Variants in DKK2 observed in about 807,000 individuals in gnomAD.
DKK2 encodes the protein dickkopf-related protein 2.
Under a neutral mutation model 28.1 loss-of-function variants are expected in DKK2, and 11 were observed. The ratio of observed to expected loss-of-function variants is 0.39; its 90% CI spans 0.25 to 0.65. The LOEUF is 0.65. DKK2 is among the 30% of genes least tolerant of loss of function. The pLI, the probability that DKK2 is intolerant of heterozygous loss-of-function variation, is 0.47. For synonymous variants in DKK2, 135 were observed against 126.5 expected (o/e 1.07, Z -0.45); for missense variants, 326 against 335.5 (o/e 0.97, Z 0.22).
intron 1 of DKK2, among the ~76,000 whole-genome samples, chr4:107,005,612 T>G (rs1256072483): frequency 6.6e-6 from 1 of 152,098 alleles, no homozygotes; most frequent in Non-Finnish European, 1.5e-5. Context: ...ATGCTATGAA[T>G]GCAGTCAAGC....
intron 1 of DKK2, among the ~76,000 whole-genome samples, chr4:107,030,433 G>T (rs1723859680): frequency 6.6e-6 from 1 of 151,876 alleles, no homozygotes. Flanking sequence ...ATTATGATTA[G>T]CCTTACTTCC....
At chr4:107,026,614 G>T (rs534873992) in intron 1 of DKK2, among the ~76,000 whole-genome samples, 1 of 152,076 alleles carries the variant, frequency 6.6e-6, no homozygotes, top group African/African-American at 2.4e-5. Context: ...GCATTCTTTC[G>T]GCACCCGTGA....
intron 1 of DKK2, among the ~76,000 whole-genome samples, chr4:107,010,862 A>G (rs144919456): frequency 0.024 from 3,569 of 151,224 alleles, 49 homozygotes; most frequent in Middle Eastern, 0.037. Flanking sequence ...TTAATTCATT[A>G]AAAACCCATA....
At chr4:107,034,597 T>C (rs1448991704) in intron 1 of DKK2, among the ~76,000 whole-genome samples, 1 of 152,212 alleles carries the variant, frequency 6.6e-6, no homozygotes, top group African/African-American at 2.4e-5. Flanking sequence ...TTCAGTGTCC[T>C]GCTGTATCGC....
At chr4:106,978,577 G>T (rs1722977373) in intron 1 of DKK2, among the ~76,000 whole-genome samples, 1 of 152,064 alleles carries the variant, frequency 6.6e-6, no homozygotes, top group Non-Finnish European at 1.5e-5. Context: ...CAGTACTGGT[G>T]GATGCCCCTC....
intron 2 of DKK2, among the ~76,000 whole-genome samples, chr4:106,925,204 T>A (rs1312052287): frequency 6.6e-6 from 1 of 152,026 alleles, no homozygotes; most frequent in Non-Finnish European, 1.5e-5. Flanking sequence ...AGCCTGATTA[T>A]GTTGTTTTAT....
chr4:106,956,091 A>T (rs1560579453), intron 1 of DKK2, among the ~76,000 whole-genome samples: 1 of 152,202 alleles, frequency 6.6e-6, no homozygotes, highest in Non-Finnish European at 1.5e-5. Context: ...TAATTATTGA[A>T]TACATACAGT....
intron 1 of DKK2, among the ~76,000 whole-genome samples, chr4:106,975,955 G>C (rs1408881530): frequency 6.6e-6 from 1 of 152,036 alleles, no homozygotes; most frequent in African/African-American, 2.4e-5. Flanking sequence ...GTTCTCATTG[G>C]TTTCAAAGAA....
At position 107,035,953 on chromosome 4, in the gene DKK2, G is replaced by A. The variant is rs746776457; in HGVS notation, c.-362C>T. 4 of 293,386 alleles carry A rather than the reference G, an allele frequency of 1.4e-5. No homozygotes were observed. The highest frequency in any genetic ancestry group is 1.1e-3 in the Middle Eastern group (1 of 890). The allele number at this position is 293,386 out of a possible 1,614,324, so 18.2% of individuals were successfully genotyped here. On this transcript the variant is annotated 5_prime_UTR_variant, in exon 1 of 4. Transcript: ENST00000285311. ...TCTTGCCCCGCACCTCCTTGGTCCC[G>A]CCGGGATCTCGGCGGTTTAACTCTC...
At chr4:106,992,618 C>T (rs898044114) in intron 1 of DKK2, among the ~76,000 whole-genome samples, 2 of 152,172 alleles carry the variant, frequency 1.3e-5, no homozygotes, top group Admixed American at 6.5e-5. Context: ...AGAGCTTTTA[C>T]TAAGCCAATA....
chr4:107,029,807 T>C (rs1723849236), intron 1 of DKK2, among the ~76,000 whole-genome samples: 1 of 152,156 alleles, frequency 6.6e-6, no homozygotes, highest in Non-Finnish European at 1.5e-5. Context: ...GATTTGTTCT[T>C]TTTTTGCTCT....
At chr4:106,931,048 C>A (rs1226388778) in intron 1 of DKK2, among the ~76,000 whole-genome samples, 1 of 152,142 alleles carries the variant, frequency 6.6e-6, no homozygotes, top group African/African-American at 2.4e-5. Context: ...TAAAATGCAA[C>A]TGCAGGAGGT....
Position 106,977,065 on chromosome 4 carries a change from C to T in DKK2, c.223-51116G>A, listed in dbSNP as rs188794455. Among the ~76,000 whole-genome samples, 422 of 152,222 alleles carry T rather than the reference C, an allele frequency of 2.8e-3. 4 individuals carry two copies. Among genetic ancestry groups the T allele is most frequent in the African/African-American group, 9.8e-3 (408 of 41,538 alleles). ...TTTATTTAAGAATGTTGAATATTGGCCCCCACTCTCTTCTGGCTTGTAGGG... is the reference window on the plus strand; with the variant it reads ...TTTATTTAAGAATGTTGAATATTGGTCCCCACTCTCTTCTGGCTTGTAGGG... On this transcript the variant is annotated intron_variant, in intron 1 of 3. Transcript: ENST00000285311.
At chr4:106,948,201 TACCAG>T (rs1164397479) in intron 1 of DKK2, among the ~76,000 whole-genome samples, 1 of 152,134 alleles carries the variant, frequency 6.6e-6, no homozygotes, top group African/African-American at 2.4e-5. Context: ...GCAAATTCTC[TACCAG>T]ACCAGAGGTT....
chr4:106,999,240 G>T (rs192118322), intron 1 of DKK2, among the ~76,000 whole-genome samples: 2 of 152,266 alleles, frequency 1.3e-5, no homozygotes, highest in Admixed American at 1.3e-4. Context: ...GGTAATAGTA[G>T]GTTGCAGAGT....
intron 1 of DKK2, among the ~76,000 whole-genome samples, chr4:106,992,938 C>T (rs553244341): frequency 6.6e-6 from 1 of 152,294 alleles, no homozygotes; most frequent in East Asian, 1.9e-4. Context: ...GTGGAAGAAA[C>T]AGAGTTGCAT....
Position 106,983,361 on chromosome 4 carries a change from AAAGAAAG to A in DKK2, c.222+52002_222+52008del, listed in dbSNP as rs1344308101. On this transcript the variant is annotated intron_variant, in intron 1 of 3. Coordinates refer to ENST00000285311, the MANE Select transcript of DKK2 (RefSeq NM_014421.3). ...GGAAGAAAGAAAGAAAGAAAGAAAGAAAGAAAGAAGAAAGAAAAGAAAGAAAAGAAAA... is the reference window on the plus strand; with the variant it reads ...GGAAGAAAGAAAGAAAGAAAGAAAGAAAGAAAGAAAAGAAAGAAAAGAAAA... Among the ~76,000 whole-genome samples, 367 of 141,432 alleles carry A rather than the reference AAAGAAAG, an allele frequency of 2.6e-3. 1 individual carries two copies. The highest frequency in any genetic ancestry group is 6.6e-3 in the African/African-American group (260 of 39,128). 92.8% of individuals were successfully genotyped at this position (141,432 alleles called of 152,430 possible).
chr4:106,960,141 CAT>C (rs1376603394), intron 1 of DKK2, among the ~76,000 whole-genome samples: 2 of 149,292 alleles, frequency 1.3e-5, no homozygotes, highest in East Asian at 1.9e-4. Context: ...TACACACACA[CAT>C]ATATATACAT....
chr4:107,034,714 G>A (rs931274832), intron 1 of DKK2, among the ~76,000 whole-genome samples: 3 of 152,128 alleles, frequency 2.0e-5, no homozygotes, highest in African/African-American at 7.2e-5. Flanking sequence ...GAGTTGTTTT[G>A]TCTGTGACCT....
Sources: allele counts gnomAD v4.1 joint callset (sites outside exome capture counted in the v4.1 genomes callset), GRCh38; gene constraint gnomAD v4.1.1; transcripts MANE v1.5; gene names NCBI Gene and HGNC (gene_info 2026-07-23, HGNC 2026-07-21).